The following GRID2 variants were observed in gnomAD, a reference collection of about 807,000 sequenced individuals.
The protein encoded by GRID2 is glutamate ionotropic receptor delta type subunit 2.
A neutral mutation model predicts 114.8 loss-of-function variants in GRID2; 33 were observed. The observed-to-expected ratio is 0.29, with a 90% confidence interval of 0.22 to 0.38. GRID2 has a LOEUF of 0.38. Among genes scored for constraint, GRID2 ranks in the 10% least tolerant of loss-of-function variants. The pLI, the probability that GRID2 is intolerant of heterozygous loss-of-function variation, is 1.00. For synonymous variants in GRID2, 505 were observed against 449.9 expected (o/e 1.12, Z -1.55); for missense variants, 1,184 against 1,257.7 (o/e 0.94, Z 0.89).
At chr4:93,114,274 G>A (rs1174126559) in intron 4 of GRID2, among the ~76,000 whole-genome samples, 2 of 152,058 alleles carry the variant, frequency 1.3e-5, no homozygotes, top group African/African-American at 4.8e-5. Flanking sequence ...CTTCATTAAA[G>A]GAATTTTCAT....
intron 12 of GRID2, among the ~76,000 whole-genome samples, chr4:93,513,723 A>G (rs1480683276): frequency 1.3e-5 from 2 of 152,200 alleles, no homozygotes; most frequent in African/African-American, 4.8e-5. Flanking sequence ...ATACATCAAA[A>G]ACACAAAACT....
At chr4:92,474,156 CCTCAA>C (rs1722179722) in intron 1 of GRID2, among the ~76,000 whole-genome samples, 1 of 152,012 alleles carries the variant, frequency 6.6e-6, no homozygotes, top group Non-Finnish European at 1.5e-5. Flanking sequence ...TACCACTTGA[CCTCAA>C]CATCTCTCCC....
intron 2 of GRID2, among the ~76,000 whole-genome samples, chr4:93,055,659 G>T (rs975553049): frequency 6.6e-6 from 1 of 151,710 alleles, no homozygotes; most frequent in African/African-American, 2.4e-5. Flanking sequence ...CAACCTGAAA[G>T]CCTTGAATAA....
intron 2 of GRID2, among the ~76,000 whole-genome samples, chr4:93,044,927 A>G (rs1011205855): frequency 3.3e-5 from 5 of 152,178 alleles, no homozygotes; most frequent in African/African-American, 1.2e-4. Flanking sequence ...CACTCAGAAA[A>G]GATTTTAATT....
chr4:92,908,466 A>G (rs1300235425), intron 2 of GRID2, among the ~76,000 whole-genome samples: 1 of 150,786 alleles, frequency 6.6e-6, no homozygotes, highest in Non-Finnish European at 1.5e-5. Flanking sequence ...TAAAAATGTG[A>G]CCATTACTTG....
intron 14 of GRID2, among the ~76,000 whole-genome samples, chr4:93,679,042 G>A (rs981297217): frequency 6.6e-6 from 1 of 151,102 alleles, no homozygotes; most frequent in Non-Finnish European, 1.5e-5. Context: ...CATCACACAT[G>A]CAGAGACACA....
At chr4:92,538,638 G>C (rs1489551534) in intron 1 of GRID2, among the ~76,000 whole-genome samples, 1 of 152,094 alleles carries the variant, frequency 6.6e-6, no homozygotes, top group Non-Finnish European at 1.5e-5. Context: ...ATAAACAGCT[G>C]TTACTCTACA....
chr4:93,583,281 GTATA>G (rs1737171305), intron 13 of GRID2, among the ~76,000 whole-genome samples: 1 of 152,058 alleles, frequency 6.6e-6, no homozygotes, highest in Non-Finnish European at 1.5e-5. Context: ...CTCGCTACAG[GTATA>G]ATTATGTATG....
chr4:92,534,443 AGG>A (rs1447623103), intron 1 of GRID2, among the ~76,000 whole-genome samples: 1 of 152,124 alleles, frequency 6.6e-6, no homozygotes, highest in Admixed American at 6.6e-5. Flanking sequence ...GGTAAATTAT[AGG>A]TGGTTGTAGA....
intron 8 of GRID2, among the ~76,000 whole-genome samples, chr4:93,384,276 A>G (rs886600299): frequency 6.6e-6 from 1 of 152,110 alleles, no homozygotes; most frequent in Non-Finnish European, 1.5e-5. Flanking sequence ...GAGCGCAACA[A>G]TATTAGGGAA....
intron 4 of GRID2, among the ~76,000 whole-genome samples, chr4:93,201,781 A>G (rs1394314140): frequency 6.6e-6 from 1 of 152,212 alleles, no homozygotes; most frequent in Non-Finnish European, 1.5e-5. Context: ...TATTTAGCAC[A>G]TCTAAAGATT....
chr4:92,954,327 T>C (rs1752234903), intron 2 of GRID2, among the ~76,000 whole-genome samples: 1 of 152,136 alleles, frequency 6.6e-6, no homozygotes, highest in Non-Finnish European at 1.5e-5. Context: ...CAACTCCAAA[T>C]TTCCCCAGTT....
intron 1 of GRID2, among the ~76,000 whole-genome samples, chr4:92,578,717 T>TATCTATCTATCAATCA (rs565564336): frequency 0.027 from 2,912 of 109,376 alleles, 30 homozygotes; most frequent in East Asian, 0.055. Flanking sequence ...AAAATATCAT[T>TATCTATCTATCAATCA]ATCTATCTAT....
intron 2 of GRID2, among the ~76,000 whole-genome samples, chr4:92,868,399 G>T (rs928077694): frequency 6.6e-6 from 1 of 151,976 alleles, no homozygotes; most frequent in African/African-American, 2.4e-5. Flanking sequence ...CCTACCAGAC[G>T]CAGCTACCAG....
In GRID2 at chr4:92,748,631, T is replaced by TTTA. The variant is rs1560570179; in HGVS notation, c.244+158345_244+158346insTTA. ...ATCGATTTGTACCATTTAATTAAAT[T>TTTA]GTATTATTATTATTATTATTATTAT... is the stretch of plus-strand genomic sequence containing the variant. On this transcript the variant is annotated intron_variant, in intron 2 of 15. Coordinates refer to ENST00000282020, the MANE Select transcript of GRID2 (RefSeq NM_001510.4). 1.2e-3 allele frequency among the ~76,000 whole-genome samples: 156 copies of TTTA among 125,296 alleles called. 1 individual carries two copies. The highest frequency in any genetic ancestry group is 4.6e-3 in the African/African-American group (151 of 33,052). The allele number at this position is 125,296 out of a possible 152,430, so 82.2% of individuals were successfully genotyped here. A position where few individuals can be genotyped will look rare whatever the true frequency, so the allele number is the denominator to read the frequency against.
chr4:92,457,463 G>T (rs1160952615), intron 1 of GRID2, among the ~76,000 whole-genome samples: 1 of 152,080 alleles, frequency 6.6e-6, no homozygotes, highest in African/African-American at 2.4e-5. Flanking sequence ...TATATGAGAA[G>T]AAAAATATAT....
At chr4:92,552,964 T>A (rs995167525) in intron 1 of GRID2, among the ~76,000 whole-genome samples, 1 of 152,174 alleles carries the variant, frequency 6.6e-6, no homozygotes, top group Non-Finnish European at 1.5e-5. Flanking sequence ...TGTGTTTTGG[T>A]GAGCAGATTT....
At chr4:93,096,977 A>C (rs541409646) in intron 3 of GRID2, among the ~76,000 whole-genome samples, 4 of 152,042 alleles carry the variant, frequency 2.6e-5, no homozygotes, top group Non-Finnish European at 5.9e-5. Context: ...AAAATAAGTA[A>C]TGAACTATTG....
intron 1 of GRID2, among the ~76,000 whole-genome samples, chr4:93,803,949 G>A (rs1275753621): frequency 6.6e-6 from 1 of 152,106 alleles, no homozygotes; most frequent in African/African-American, 2.4e-5. Flanking sequence ...TGCCAGGTGT[G>A]TGGCGCTTCC....
Sources: gnomAD v4.1 joint callset for allele counts (sites outside exome capture counted in the v4.1 genomes callset) on GRCh38, gnomAD v4.1.1 for gene constraint, MANE v1.5 for transcripts, NCBI Gene and HGNC (gene_info 2026-07-23, HGNC 2026-07-21) for gene names.